The following UBXN2B variants were observed in gnomAD, a reference collection of about 807,000 sequenced individuals.
The protein encoded by UBXN2B is UBX domain protein 2B.
Under a neutral mutation model 37.5 loss-of-function variants are expected in UBXN2B, and 19 were observed. That is an observed-to-expected ratio of 0.51 (90% confidence interval 0.35 to 0.74). UBXN2B has a LOEUF of 0.74. Ranked by LOEUF, UBXN2B falls within the 30% of genes least tolerant of loss-of-function variation. UBXN2B has a pLI of 0.01. For synonymous variants in UBXN2B, 145 were observed against 143.8 expected (o/e 1.01, Z -0.06); for missense variants, 370 against 393.2 (o/e 0.94, Z 0.50).
chr8:58,435,045 G>A, intron 5 of UBXN2B: 1 of 1,455,640 alleles, frequency 6.9e-7, no homozygotes, highest in Non-Finnish European at 9.0e-7. Context: ...TCTTGCTAAA[G>A]GATGAGGAAT....
chr8:58,417,806 G>C (rs78611058), intron 2 of UBXN2B, among the ~76,000 whole-genome samples: 2 of 152,110 alleles, frequency 1.3e-5, no homozygotes, highest in African/African-American at 4.8e-5. Flanking sequence ...ACTTGTGCAC[G>C]CATGTATTCT....
At chr8:58,439,292 A>G (rs1264325142) in intron 5 of UBXN2B, among the ~76,000 whole-genome samples, 1 of 152,202 alleles carries the variant, frequency 6.6e-6, no homozygotes, top group Non-Finnish European at 1.5e-5. Context: ...GGAGTTTATT[A>G]ATAAATATCC....
chr8:58,435,224 A>G (rs917759472), intron 5 of UBXN2B: 11 of 998,416 alleles, frequency 1.1e-5, no homozygotes, highest in Non-Finnish European at 1.2e-5. Context: ...CCAGAGTTAT[A>G]TATACAGGGT....
chr8:58,445,866 A>G (rs768996763), intron 6 of UBXN2B, 41 bp from the exon 7 acceptor site: 22 of 1,528,712 alleles, frequency 1.4e-5, no homozygotes, highest in Admixed American at 1.2e-4. Context: ...TTTGTCATAT[A>G]TTTTACACAT....
intron 2 of UBXN2B, chr8:58,426,471 G>C: frequency 1.4e-6 from 1 of 690,270 alleles, no homozygotes; most frequent in Non-Finnish European, 2.7e-6. Context: ...GCCTCCCAAA[G>C]TGCTGGGATT....
chr8:58,416,759 A>G, intron 1 of UBXN2B, 91 bp from the exon 2 acceptor site: 1 of 1,081,110 alleles, frequency 9.2e-7, no homozygotes, highest in Non-Finnish European at 1.3e-6. Context: ...TTACCACTCA[A>G]TTTTAAGTTA....
chr8:58,440,958 C>T (rs1225025373), intron 6 of UBXN2B, among the ~76,000 whole-genome samples: 1 of 151,210 alleles, frequency 6.6e-6, no homozygotes, highest in Non-Finnish European at 1.5e-5. Flanking sequence ...AAATTTTCTC[C>T]CTCGTCTCTC....
At chr8:58,425,597 ACTC>A in intron 2 of UBXN2B, 1 of 1,057,874 alleles carries the variant, frequency 9.5e-7, no homozygotes. Flanking sequence ...AGAAGTATGC[ACTC>A]CTGTTGTTGT....
At chr8:58,414,860 CT>C (rs771966468) in intron 1 of UBXN2B, among the ~76,000 whole-genome samples, 2 of 152,070 alleles carry the variant, frequency 1.3e-5, no homozygotes, top group Non-Finnish European at 1.5e-5. Context: ...TTCCATGGGG[CT>C]AGTGGCATTT....
intron 2 of UBXN2B, among the ~76,000 whole-genome samples, chr8:58,422,283 G>A (rs1267900463): frequency 6.6e-6 from 1 of 152,200 alleles, no homozygotes; most frequent in South Asian, 2.1e-4. Context: ...TTGTTAGTGA[G>A]AATGGCAGCC....
At chr8:58,434,818 T>A (rs1808370933) in intron 5 of UBXN2B, 1 of 1,534,966 alleles carries the variant, frequency 6.5e-7, no homozygotes, top group Admixed American at 2.0e-5. Context: ...AGTATGTAGC[T>A]GCCCACCCAC....
At chr8:58,437,470 G>C (rs1012129411) in intron 5 of UBXN2B, among the ~76,000 whole-genome samples, 2 of 151,790 alleles carry the variant, frequency 1.3e-5, no homozygotes, top group African/African-American at 4.8e-5. Context: ...TGGAATTACA[G>C]GTGCTCACCA....
At position 58,450,687 on chromosome 8, in the gene UBXN2B, T is replaced by TA. The variant is rs1307486766; in HGVS notation, c.*3137dup. 6.6e-6 allele frequency: 1 copy of TA among 152,254 alleles called. No individual in the cohort carries two copies. Among genetic ancestry groups the TA allele is most frequent in the Non-Finnish European group, 1.5e-5 (1 of 68,058 alleles). 9.4% of individuals were successfully genotyped at this position (152,254 alleles called of 1,614,324 possible). On this transcript the variant is annotated 3_prime_UTR_variant, in exon 8 of 8. Coordinates refer to ENST00000399598, the MANE Select transcript of UBXN2B (RefSeq NM_001077619.2). ...CACTTTTCTACTTTTAGGTATTTGT[T>TA]ACAGCAGCACCTCAAGTACCTAGAA...
At position 58,425,464 on chromosome 8, in the gene UBXN2B, T is replaced by C; in HGVS notation, c.189-5055T>C. ...CATGATGATATTTGCATTGATGTCATCTGAAACAGGCTCGTTGGGATCACC... is the reference window on the plus strand; with the variant it reads ...CATGATGATATTTGCATTGATGTCACCTGAAACAGGCTCGTTGGGATCACC... On this transcript the variant is annotated intron_variant, in intron 2 of 7. Transcript: ENST00000399598. 2.7e-6 allele frequency: 3 copies of C among 1,130,794 alleles called. No homozygotes were observed. The East Asian group carries it at 7.0e-5, about 27-fold the overall frequency. The allele number at this position is 1,130,794 out of a possible 1,614,324, so 70.0% of individuals were successfully genotyped here.
At position 58,438,831 on chromosome 8, in the gene UBXN2B, T is replaced by C. The variant is rs368404827; in HGVS notation, c.534-802T>C. On this transcript the variant is annotated intron_variant, in intron 5 of 7. Coordinates refer to ENST00000399598, the MANE Select transcript of UBXN2B (RefSeq NM_001077619.2). The stretch of plus-strand genomic sequence containing the variant: ...TTGGGGGGCCAGTGGTGGAATGATA[T>C]GGTTTGGATGTTTTGTCCCCTCCAA... Among the ~76,000 whole-genome samples, 280 of 152,242 alleles carry C rather than the reference T, an allele frequency of 1.8e-3. 1 individual carries two copies. The highest frequency in any genetic ancestry group is 3.6e-3 in the African/African-American group (151 of 41,540).
At chr8:58,446,160 A>G (rs1808662448) in intron 7 of UBXN2B, 92 bp downstream of exon 7, 1 of 1,295,686 alleles carries the variant, frequency 7.7e-7, no homozygotes, top group Non-Finnish European at 1.0e-6. Flanking sequence ...GTAATGAAGA[A>G]TATGATATTC....
At position 58,447,356 on chromosome 8, in the gene UBXN2B, A is replaced by G. The variant is rs368481198; in HGVS notation, c.834-33A>G. 5 of 1,504,788 alleles carry G rather than the reference A, an allele frequency of 3.3e-6. No individual in the cohort carries two copies. The African/African-American group carries it at 5.6e-5, about 17-fold the overall frequency. The allele number at this position is 1,504,788 out of a possible 1,614,324, so 93.2% of individuals were successfully genotyped here. A position where few individuals can be genotyped will look rare whatever the true frequency, so the allele number is the denominator to read the frequency against. On this transcript the variant is annotated intron_variant, in intron 7 of 7. Transcript: ENST00000399598. Reference sequence around the variant, plus strand: ...AGTTTACATGAAAATATGATTTTTTATATTACAAATTATTTTTGTCTTATT... The same window carrying G: ...AGTTTACATGAAAATATGATTTTTTGTATTACAAATTATTTTTGTCTTATT...
Position 58,411,487 on chromosome 8 carries a change from G to C in UBXN2B, c.84+18G>C. 2 of 1,249,508 alleles carry C rather than the reference G, an allele frequency of 1.6e-6. No homozygotes were observed. The highest frequency in any genetic ancestry group is 3.6e-5 in the South Asian group (1 of 28,008). 77.4% of individuals were successfully genotyped at this position (1,249,508 alleles called of 1,614,324 possible). On this transcript the variant is annotated intron_variant, in intron 1 of 7. Transcript: ENST00000399598. ...ATTTGCAGGTGAGGCGAGGAGCCGG[G>C]GGAGGGAGCGCGGCGGTGGACGCGG...
intron 1 of UBXN2B, among the ~76,000 whole-genome samples, chr8:58,415,216 A>C (rs924085029): frequency 1.3e-5 from 2 of 152,234 alleles, no homozygotes; most frequent in Admixed American, 6.5e-5. Context: ...GAAGATTAGA[A>C]AAGGTTTTGT....
Sources: allele counts gnomAD v4.1 joint callset (sites outside exome capture counted in the v4.1 genomes callset), GRCh38; gene constraint gnomAD v4.1.1; transcripts MANE v1.5; gene names NCBI Gene and HGNC (gene_info 2026-07-23, HGNC 2026-07-21).